PRDM8: variants seen among roughly 807,000 people sequenced by gnomAD.
The protein encoded by PRDM8 is PR domain zinc finger protein 8.
PRDM8 carries 13 observed loss-of-function variants against 46.5 expected under a neutral mutation model. The ratio of observed to expected loss-of-function variants is 0.28; its 90% confidence interval spans 0.18 to 0.44. PRDM8 has a LOEUF of 0.44. Ranked by LOEUF, PRDM8 falls within the 20% of genes least tolerant of loss-of-function variation. PRDM8 has a pLI of 1.00. For missense variants in PRDM8, 998 were observed against 955.0 expected (o/e 1.04, Z -0.59); for synonymous variants, 473 against 438.4 (o/e 1.08, Z -0.98).
Position 80,202,487 on chromosome 4 carries a change from C to G in PRDM8, c.1025C>G (p.Pro342Arg), listed in dbSNP as rs1236884779. The change falls in exon 4 of 4, where the codon CCG (proline) becomes CGG (arginine). Residue 342 changes from proline to arginine, a missense_variant. Coordinates refer to ENST00000415738, the MANE Select transcript of PRDM8 (RefSeq NM_001099403.2). ...GGCCGCTTCGTAGAGCGGCCCCTCCCGGCCTCCAAGGAGGATCTGGTGTGC... is the reference window on the plus strand; with the variant it reads ...GGCCGCTTCGTAGAGCGGCCCCTCCGGGCCTCCAAGGAGGATCTGGTGTGC... The part of the protein sequence containing the change: ...GRGRFVERPL[P>R]ASKEDLVCTP... 1.3e-6 allele frequency: 2 copies of G among 1,542,226 alleles called. No individual in the cohort carries two copies. Among genetic ancestry groups the G allele is most frequent in the South Asian group, 1.2e-5 (1 of 84,050 alleles).
At chr4:80,199,300 AC>A (rs990862092) in intron 1 of PRDM8, among the ~76,000 whole-genome samples, 1 of 151,282 alleles carries the variant, frequency 6.6e-6, no homozygotes, top group Non-Finnish European at 1.5e-5. Flanking sequence ...GACTCAATCC[AC>A]CCCCTTGTAT....
chr4:80,192,082 G>T (rs980426460), intron 2 of PRDM8, among the ~76,000 whole-genome samples: 1 of 152,018 alleles, frequency 6.6e-6, no homozygotes, highest in African/African-American at 2.4e-5. Context: ...CAGGCCTCAG[G>T]AAAGTGTACC....
intron 1 of PRDM8, among the ~76,000 whole-genome samples, chr4:80,199,227 A>C (rs1560473046): frequency 6.6e-6 from 1 of 152,000 alleles, no homozygotes; most frequent in Non-Finnish European, 1.5e-5. Flanking sequence ...CATTACACAC[A>C]GTATTTCAGA....
rs1295888181 is a variant in PRDM8 at position 80,197,578 on chromosome 4, C to G, written c.-188C>G. ...CTCCCTCCCTCCCTCCCTCCACCCC[C>G]CCAATCTTTTTCTCCCCATCTCTCC... On this transcript the variant is annotated 5_prime_UTR_variant, in exon 1 of 4. Transcript: ENST00000415738. 10 of 976,728 alleles carry G rather than the reference C, an allele frequency of 1.0e-5. No homozygotes were observed. The highest frequency in any genetic ancestry group is 1.2e-5 in the Non-Finnish European group (10 of 821,798). The allele number at this position is 976,728 out of a possible 1,614,324, so 60.5% of individuals were successfully genotyped here. A position where few individuals can be genotyped will look rare whatever the true frequency, so the allele number is the denominator to read the frequency against.
chr4:80,197,084 C>CGAG (rs1738015406), upstream of PRDM8: 1 of 985,374 alleles, frequency 1.0e-6, no homozygotes, highest in Admixed American at 6.1e-5. Flanking sequence ...GCTAACCGCA[C>CGAG]CCCTCTCCCT....
intron 1 of PRDM8, among the ~76,000 whole-genome samples, chr4:80,190,429 T>C (rs1333695887): frequency 6.6e-6 from 1 of 152,244 alleles, no homozygotes; most frequent in African/African-American, 2.4e-5. Flanking sequence ...TTGCGCACTG[T>C]GCGTCTACAA....
Position 80,197,591 on chromosome 4 carries a change from T to A in PRDM8, c.-175T>A. ...TCCCTCCACCCCCCCAATCTTTTTCTCCCCATCTCTCCATCTCTCTCTTAT... is the reference window on the plus strand; with the variant it reads ...TCCCTCCACCCCCCCAATCTTTTTCACCCCATCTCTCCATCTCTCTCTTAT... On this transcript the variant is annotated 5_prime_UTR_variant, in exon 1 of 4. Coordinates refer to ENST00000415738, the MANE Select transcript of PRDM8 (RefSeq NM_001099403.2). 1 of 868,896 alleles carries A rather than the reference T, an allele frequency of 1.2e-6. No homozygotes were observed. The highest frequency in any genetic ancestry group is 1.4e-6 in the Non-Finnish European group (1 of 728,030). 53.8% of individuals were successfully genotyped at this position (868,896 alleles called of 1,614,324 possible).
chr4:80,197,309 A>G (rs1738032926), upstream of PRDM8: 1 of 970,210 alleles, frequency 1.0e-6, no homozygotes, highest in Non-Finnish European at 1.2e-6. Flanking sequence ...ACGCTCTCTG[A>G]GAGGCGTTGC....
In PRDM8 at chr4:80,202,121, C is replaced by T; in HGVS notation, c.659C>T (p.Pro220Leu). The T allele has an allele frequency of 1.2e-6, 2 of 1,608,904 alleles. No individual in the cohort carries two copies. The highest frequency in any genetic ancestry group is 1.7e-6 in the Non-Finnish European group (2 of 1,178,492). Residue 220 changes from proline to leucine, a missense_variant, in exon 4 of 4, where the codon CCT becomes CTT. By Grantham distance (98) the Pro-to-Leu change is moderately conservative. Coordinates refer to ENST00000415738, the MANE Select transcript of PRDM8 (RefSeq NM_001099403.2). ...KDQQQQQQEA[P>L]LGPGPKFCKA... ...CAGCAGCAGCAGCAGCAGGAGGCAC[C>T]TTTAGGCCCGGGTCCCAAGTTTTGC...
At chr4:80,200,938 A>G (rs1738393656) in intron 2 of PRDM8, among the ~76,000 whole-genome samples, 1 of 152,236 alleles carries the variant, frequency 6.6e-6, no homozygotes, top group African/African-American at 2.4e-5. Flanking sequence ...GAAACAAACA[A>G]AATTCTCCAT....
rs1186369573 is a variant in PRDM8 at position 80,200,312 on chromosome 4, T to C, written c.219+13T>C. 7 of 1,585,154 alleles carry C rather than the reference T, an allele frequency of 4.4e-6. No homozygotes were observed. Among genetic ancestry groups the C allele is most frequent in the Non-Finnish European group, 4.3e-6 (5 of 1,154,248 alleles). On this transcript the variant is annotated intron_variant, in intron 2 of 3. Transcript: ENST00000415738. ...GTATATCTTTCGGGTAAGTCTCCAC[T>C]GTAGCTGTGTAGGTGTATGAGGGTA...
At chr4:80,200,377 A>T (rs1738350354) in intron 2 of PRDM8, 78 bp downstream of exon 2, 1 of 1,294,198 alleles carries the variant, frequency 7.7e-7, no homozygotes, top group Non-Finnish European at 1.1e-6. Context: ...TTATAATGAC[A>T]AGTGGAGATA....
At chr4:80,189,463 G>A (rs1737380760) in intron 1 of PRDM8, among the ~76,000 whole-genome samples, 1 of 152,168 alleles carries the variant, frequency 6.6e-6, no homozygotes, top group Admixed American at 6.5e-5. Context: ...GGGAAAGAGG[G>A]AAGGGATGAC....
upstream of PRDM8, chr4:80,197,149 TC>T: frequency 2.0e-6 from 2 of 985,480 alleles, no homozygotes; most frequent in Non-Finnish European, 2.4e-6. Flanking sequence ...GCGCTGGGTG[TC>T]CAGCTCTCTG....
Position 80,202,972 on chromosome 4 carries a change from C to T in PRDM8, c.1510C>T (p.Pro504Ser). 6.7e-7 allele frequency: 1 copy of T among 1,495,484 alleles called. No individual in the cohort carries two copies. 92.6% of individuals were successfully genotyped at this position (1,495,484 alleles called of 1,614,324 possible). ...CGAGCGCAAAAGCGCCTTCTCGCAG[C>T]CAGCACGCTCTTTCTCGCAGCTGTC... ...SDERKSAFSQPARSFSQLSPL... is the reference protein window; with the variant it reads ...SDERKSAFSQSARSFSQLSPL... The change falls in exon 4 of 4, where the codon CCA becomes TCA. Residue 504 changes from proline (P) to serine (S), a missense_variant. Pro to Ser is a moderately conservative substitution (Grantham distance 74). Transcript: ENST00000415738.
At position 80,202,836 on chromosome 4, in the gene PRDM8, C is replaced by A. The variant is rs1271340866; in HGVS notation, c.1374C>A (p.Ser458Arg). ...RLEGGSPARG[S>R]AFTSVPQLGS... ...AGGGCGGCAGTCCTGCGAGGGGCAG[C>A]GCCTTCACTTCGGTGCCGCAGCTGG... The change falls in exon 4 of 4, where the codon AGC (serine) becomes AGA (arginine). Residue 458 changes from serine (S) to arginine (R), a missense_variant. Coordinates refer to ENST00000415738, the MANE Select transcript of PRDM8 (RefSeq NM_001099403.2). The A allele has an allele frequency of 2.0e-5, 25 of 1,229,260 alleles. No homozygotes were observed. The highest frequency in any genetic ancestry group is 3.2e-5 in the African/African-American group (2 of 63,316). 76.1% of individuals were successfully genotyped at this position (1,229,260 alleles called of 1,614,324 possible). A position where few individuals can be genotyped will look rare whatever the true frequency, so the allele number is the denominator to read the frequency against.
At chr4:80,198,270 G>A (rs1215805813) in intron 1 of PRDM8, among the ~76,000 whole-genome samples, 1 of 152,232 alleles carries the variant, frequency 6.6e-6, no homozygotes, top group Non-Finnish European at 1.5e-5. Flanking sequence ...TTGTTAGGTA[G>A]AACTGCATTT....
upstream of PRDM8, chr4:80,197,190 G>C (rs1450421118): frequency 1.0e-6 from 1 of 985,340 alleles, no homozygotes; most frequent in African/African-American, 1.7e-5. Flanking sequence ...CTAGTGAAAC[G>C]GGGAAAGGCC....
In PRDM8 at chr4:80,202,380, C is replaced by T. The variant is rs777671444; in HGVS notation, c.918C>T (p.Ala306=). 6.0e-5 allele frequency: 95 copies of T among 1,587,550 alleles called. No homozygotes were observed. Among genetic ancestry groups the T allele is most frequent in the Admixed American group, 2.2e-4 (12 of 55,094 alleles). The change falls in exon 4 of 4, where the codon GCC becomes GCT. Residue 306 remains alanine (A), a synonymous_variant. Transcript: ENST00000415738. ...QEAELSPDGI[A]TGGGKGKRKF... is the part of the protein sequence containing the mutation. ...CGGAGCTGAGTCCCGACGGCATCGCCACGGGCGGCGGCAAAGGAAAGAGGA... is the reference window on the plus strand; with the variant it reads ...CGGAGCTGAGTCCCGACGGCATCGCTACGGGCGGCGGCAAAGGAAAGAGGA...
Sources: allele counts gnomAD v4.1 joint callset (sites outside exome capture counted in the v4.1 genomes callset), GRCh38; gene constraint gnomAD v4.1.1; transcripts MANE v1.5; gene names NCBI Gene and HGNC (gene_info 2026-07-23, HGNC 2026-07-21).